The following CSGALNACT1 variants were observed in gnomAD, a reference collection of about 807,000 sequenced individuals.
CSGALNACT1 encodes the protein chondroitin sulfate N-acetylgalactosaminyltransferase 1, also known as beta4GalNAcT-1.
In CSGALNACT1, 52 loss-of-function variants were observed where a neutral mutation model predicts 51.0. The ratio of observed to expected loss-of-function variants is 1.02; its 90% CI spans 0.82 to 1.29. The LOEUF (loss-of-function observed/expected upper bound fraction) is 1.29. Among genes scored for constraint, CSGALNACT1 ranks in the 50% most tolerant of loss-of-function variants. The pLI, the probability that CSGALNACT1 is intolerant of heterozygous loss-of-function variation, is 0.00. For missense variants in CSGALNACT1, 935 were observed against 679.2 expected (o/e 1.38, Z -4.19); for synonymous variants, 341 against 254.4 (o/e 1.34, Z -3.24).
chr8:19,524,846 C>A (rs1587817426), intron 3 of CSGALNACT1, among the ~76,000 whole-genome samples: 1 of 152,152 alleles, frequency 6.6e-6, no homozygotes, highest in South Asian at 2.1e-4. Flanking sequence ...ACAAGGTGTA[C>A]CTTTATGGAA....
At chr8:19,693,363 T>C (rs745599672) in intron 1 of CSGALNACT1, among the ~76,000 whole-genome samples, 18 of 152,074 alleles carry the variant, frequency 1.2e-4, no homozygotes, top group Non-Finnish European at 2.2e-4. Flanking sequence ...GGTACCACCA[T>C]CCTCTCTCTG....
At chr8:19,534,051 T>C (rs1318696402) in intron 3 of CSGALNACT1, among the ~76,000 whole-genome samples, 1 of 152,162 alleles carries the variant, frequency 6.6e-6, no homozygotes, top group African/African-American at 2.4e-5. Context: ...AAAATCTAAA[T>C]TTAAAATAAG....
At chr8:19,667,024 G>GAA (rs1564386623) in intron 1 of CSGALNACT1, among the ~76,000 whole-genome samples, 9 of 26,610 alleles carry the variant, frequency 3.4e-4, no homozygotes, top group African/African-American at 1.6e-3. Flanking sequence ...AGAAAGGAAG[G>GAA]AAGGAAGGAA....
chr8:19,648,675 G>C (rs1050683522), intron 1 of CSGALNACT1, among the ~76,000 whole-genome samples: 5 of 152,058 alleles, frequency 3.3e-5, no homozygotes, highest in Non-Finnish European at 5.9e-5. Context: ...GGGCATGGTG[G>C]TACCTGTAGT....
intron 1 of CSGALNACT1, among the ~76,000 whole-genome samples, chr8:19,721,648 A>T (rs960925290): frequency 2.6e-5 from 4 of 152,176 alleles, no homozygotes; most frequent in African/African-American, 9.7e-5. Flanking sequence ...TCCATGACAA[A>T]CACAGAATTC....
chr8:19,614,725 A>T (rs1187731223), intron 1 of CSGALNACT1, among the ~76,000 whole-genome samples: 1 of 152,246 alleles, frequency 6.6e-6, no homozygotes, highest in Non-Finnish European at 1.5e-5. Flanking sequence ...TAGAAGTGAC[A>T]TAGTTTATGT....
In CSGALNACT1 at chr8:19,615,524, A is replaced by T. The variant is rs181368163; in HGVS notation, c.-543-13659T>A. 8.8e-4 allele frequency among the ~76,000 whole-genome samples: 134 copies of T among 152,360 alleles called. No homozygotes were observed. The South Asian group carries it at 0.015, about 17-fold the overall frequency. On this transcript the variant is annotated intron_variant, in intron 1 of 9. Coordinates refer to the CSGALNACT1 transcript ENST00000332246. ...TAGGTACCAGATGTGTGTCTTCCAAATCGTAAGAAAACAAAAATATAAGCC... is the reference window on the plus strand; with the variant it reads ...TAGGTACCAGATGTGTGTCTTCCAATTCGTAAGAAAACAAAAATATAAGCC...
intron 8 of CSGALNACT1, among the ~76,000 whole-genome samples, chr8:19,413,492 C>A (rs1321336085): frequency 1.3e-5 from 2 of 152,160 alleles, no homozygotes. Context: ...CATAAAGGGC[C>A]TCTGTTCACA....
In CSGALNACT1 at chr8:19,554,196, T is replaced by C. The variant is rs112664401; in HGVS notation, c.-297+36964A>G. On this transcript the variant is annotated intron_variant, in intron 3 of 9. Coordinates refer to ENST00000454498, the Ensembl canonical transcript of CSGALNACT1. ...ATCCTAAAGGGTTCCAAAGAAAAAGTACAAGTTATCTGCAAGGGAAGGAGA... is the reference window on the plus strand; with the variant it reads ...ATCCTAAAGGGTTCCAAAGAAAAAGCACAAGTTATCTGCAAGGGAAGGAGA... Among the ~76,000 whole-genome samples, 539 of 152,222 alleles carry C rather than the reference T, an allele frequency of 3.5e-3. 4 individuals carry two copies. Among genetic ancestry groups the C allele is most frequent in the African/African-American group, 0.013 (520 of 41,546 alleles).
chr8:19,519,699 C>T (rs1464261989), intron 3 of CSGALNACT1, among the ~76,000 whole-genome samples: 1 of 152,216 alleles, frequency 6.6e-6, no homozygotes, highest in East Asian at 1.9e-4. Context: ...AGACACTCTG[C>T]TTTGGTGCCA....
At chr8:19,679,104 C>A (rs1185284089) in intron 1 of CSGALNACT1, among the ~76,000 whole-genome samples, 2 of 152,126 alleles carry the variant, frequency 1.3e-5, no homozygotes, top group African/African-American at 4.8e-5. Context: ...CATAATTATT[C>A]TATGTACAGG....
intron 1 of CSGALNACT1, among the ~76,000 whole-genome samples, chr8:19,654,902 A>G (rs555175568): frequency 1.3e-5 from 2 of 152,266 alleles, no homozygotes; most frequent in South Asian, 4.1e-4. Context: ...AAAGCAAAAT[A>G]TTAGTAATCA....
At chr8:19,487,405 A>C (rs1217090270) in intron 4 of CSGALNACT1, among the ~76,000 whole-genome samples, 1 of 152,214 alleles carries the variant, frequency 6.6e-6, no homozygotes, top group Non-Finnish European at 1.5e-5. Flanking sequence ...CCCAGTGTCC[A>C]TGACAGGGAG....
chr8:19,607,659 T>C, intron 1 of CSGALNACT1, among the ~76,000 whole-genome samples: 1 of 152,240 alleles, frequency 6.6e-6, no homozygotes, highest in Non-Finnish European at 1.5e-5. Context: ...TGAACAGTGT[T>C]TCAGGGATAT....
chr8:19,696,047 A>C (rs1042144883), intron 1 of CSGALNACT1, among the ~76,000 whole-genome samples: 3 of 152,240 alleles, frequency 2.0e-5, no homozygotes, highest in Admixed American at 1.3e-4. Context: ...GACCAGTAGC[A>C]AAAACATGTA....
intron 1 of CSGALNACT1, among the ~76,000 whole-genome samples, chr8:19,718,247 C>T (rs1490493978): frequency 6.6e-6 from 1 of 152,214 alleles, no homozygotes; most frequent in East Asian, 1.9e-4. Context: ...GTGCCTGCTG[C>T]CACACCCCTC....
chr8:19,475,725 G>A (rs953243273), intron 4 of CSGALNACT1, among the ~76,000 whole-genome samples: 2 of 152,176 alleles, frequency 1.3e-5, no homozygotes, highest in Admixed American at 1.3e-4. Flanking sequence ...CTTTTTCACA[G>A]AATAATCTGC....
chr8:19,486,734 T>A (rs2073042863), intron 4 of CSGALNACT1, among the ~76,000 whole-genome samples: 1 of 152,158 alleles, frequency 6.6e-6, no homozygotes, highest in African/African-American at 2.4e-5. Flanking sequence ...CTTAAACGCA[T>A]TGATTGTTCC....
At chr8:19,656,395 T>G (rs905298350) in intron 1 of CSGALNACT1, among the ~76,000 whole-genome samples, 1 of 152,160 alleles carries the variant, frequency 6.6e-6, no homozygotes, top group Admixed American at 6.5e-5. Context: ...AAAAATAATT[T>G]TAAGGTGATT....
Sources: allele counts gnomAD v4.1 joint callset (sites outside exome capture counted in the v4.1 genomes callset), GRCh38; gene constraint gnomAD v4.1.1; transcripts MANE v1.5; gene names NCBI Gene and HGNC (gene_info 2026-07-23, HGNC 2026-07-21).